Variants in CABIN1 observed in about 807,000 individuals in gnomAD.
CABIN1 encodes calcineurin binding protein 1.
In CABIN1, 133 loss-of-function variants were observed where a neutral mutation model predicts 227.7. The observed-to-expected ratio is 0.58, with a 90% CI of 0.51 to 0.67. The LOEUF is 0.67. Ranked by LOEUF, CABIN1 falls within the 30% of genes least tolerant of loss-of-function variation. The pLI, the probability that CABIN1 is intolerant of heterozygous loss-of-function variation, is 0.00. For missense variants in CABIN1, 2,408 were observed against 2,852.5 expected, an observed-to-expected ratio of 0.84 and a Z score of 3.55; for synonymous variants, 1,086 against 1,155.1, an observed-to-expected ratio of 0.94 and a Z score of 1.21.
chr22:24,011,594 A>AT (rs1397434537), intron 1 of CABIN1: 1 of 152,314 alleles, frequency 6.6e-6, no homozygotes, highest in East Asian at 1.9e-4. Context: ...GGTGCCTAGA[A>AT]TGGGTTCCGG....
rs140080587 is a variant in CABIN1 at position 24,172,687 on chromosome 22, G to A, written c.6040+692G>A. ...CCATTGGAATGGCAGCCTGCAGACA[G>A]CTAAGCCACAGATCCTTCCTTTGGG... On this transcript the variant is annotated intron_variant, in intron 34 of 36. Transcript: ENST00000263119. Among the ~76,000 whole-genome samples the A allele has an allele frequency of 2.7e-3, 405 of 152,350 alleles. 1 individual carries two copies. Among genetic ancestry groups the A allele is most frequent in the African/African-American group, 9.3e-3 (386 of 41,588 alleles).
intron 29 of CABIN1, among the ~76,000 whole-genome samples, chr22:24,135,806 GA>G (rs2044360612): frequency 6.6e-6 from 1 of 152,194 alleles, no homozygotes; most frequent in African/African-American, 2.4e-5. Context: ...TTCAGGTCTG[GA>G]GGGGTGTAAC....
At chr22:24,159,172 T>C (rs1254689173) in intron 29 of CABIN1, among the ~76,000 whole-genome samples, 3 of 152,174 alleles carry the variant, frequency 2.0e-5, no homozygotes, top group Non-Finnish European at 2.9e-5. Flanking sequence ...GAGGTATAGG[T>C]GTGAGCCAGA....
At chr22:24,126,560 C>T (rs934755300) in intron 28 of CABIN1, among the ~76,000 whole-genome samples, 2 of 151,826 alleles carry the variant, frequency 1.3e-5, no homozygotes, top group African/African-American at 4.8e-5. Context: ...CTAGAATCTG[C>T]TGGAAGCTGG....
Position 24,056,159 on chromosome 22 carries a change from C to A in CABIN1, c.1094-33C>A, listed in dbSNP as rs749258367. 3 of 1,600,144 alleles carry A rather than the reference C, an allele frequency of 1.9e-6. No individual in the cohort carries two copies. In the Admixed American group the frequency reaches 5.0e-5, roughly 27 times the overall value. On this transcript the variant is annotated intron_variant, in intron 9 of 36. Coordinates refer to ENST00000263119, the MANE Select transcript of CABIN1 (RefSeq NM_012295.4). ...GGTGCATTTTTTTCATCCCTGCCAC[C>A]GTGTAAGATTTTAATTTGCATTCTT...
intron 30 of CABIN1, among the ~76,000 whole-genome samples, chr22:24,165,165 T>C (rs1416012765): frequency 6.6e-6 from 1 of 152,222 alleles, no homozygotes; most frequent in East Asian, 1.9e-4. Context: ...CCTCTGGCTG[T>C]CTCACTCACC....
chr22:24,066,374 C>T (rs2039680213), intron 15 of CABIN1, among the ~76,000 whole-genome samples: 1 of 152,238 alleles, frequency 6.6e-6, no homozygotes, highest in Non-Finnish European at 1.5e-5. Context: ...CAGTATTGGG[C>T]TGGCCATGGG....
chr22:24,176,294 A>C lies in CABIN1; in HGVS notation c.6205+19A>C, dbSNP rs892685608. On this transcript the variant is annotated intron_variant, in intron 35 of 36. Transcript: ENST00000263119. Reference sequence around the variant, plus strand: ...AGCCAGGGTAAGGCGAGTTGGGAGCAGCCCAGCACCAGCCCCCAGGAGGCT... The same window carrying C: ...AGCCAGGGTAAGGCGAGTTGGGAGCCGCCCAGCACCAGCCCCCAGGAGGCT... 4 of 1,586,590 alleles carry C rather than the reference A, an allele frequency of 2.5e-6. No individual in the cohort carries two copies.
intron 25 of CABIN1, 112 bp downstream of exon 25, chr22:24,096,194 A>T: frequency 7.9e-7 from 1 of 1,265,190 alleles, no homozygotes; most frequent in Non-Finnish European, 1.1e-6. Flanking sequence ...ACAGTAAACT[A>T]GAACTCATGG....
At position 24,070,098 on chromosome 22, in the gene CABIN1, A is replaced by T. The variant is rs199897868; in HGVS notation, c.2233-702A>T. 2.0e-5 allele frequency among the ~76,000 whole-genome samples: 3 copies of T among 151,672 alleles called. No homozygotes were observed. In the East Asian group the frequency reaches 5.8e-4, roughly 29 times the overall value. Reference sequence around the variant, plus strand: ...AAAAAAAAGGAGCTTTGCGAAAAGCAGTGGTTTCCAAAGAGAAGCTTTTAA... The same window carrying T: ...AAAAAAAAGGAGCTTTGCGAAAAGCTGTGGTTTCCAAAGAGAAGCTTTTAA... On this transcript the variant is annotated intron_variant, in intron 16 of 36. Coordinates refer to ENST00000263119, the MANE Select transcript of CABIN1 (RefSeq NM_012295.4).
At chr22:24,051,223 C>G (rs368941717) in intron 8 of CABIN1, among the ~76,000 whole-genome samples, 1 of 152,190 alleles carries the variant, frequency 6.6e-6, no homozygotes, top group East Asian at 1.9e-4. Flanking sequence ...CCCCAGCCAC[C>G]TGCCACATTC....
chr22:24,112,432 G>A (rs1039885611), intron 26 of CABIN1, among the ~76,000 whole-genome samples: 3 of 152,126 alleles, frequency 2.0e-5, no homozygotes, highest in African/African-American at 7.2e-5. Flanking sequence ...GCTTAGTAGG[G>A]GAGCTGGTTT....
At chr22:24,144,759 A>G (rs1397080162) in intron 29 of CABIN1, among the ~76,000 whole-genome samples, 1 of 152,194 alleles carries the variant, frequency 6.6e-6, no homozygotes, top group Non-Finnish European at 1.5e-5. Context: ...GGCCATTTCC[A>G]GTCAGGGCTT....
intron 29 of CABIN1, among the ~76,000 whole-genome samples, chr22:24,147,391 C>T (rs2045212714): frequency 6.8e-6 from 1 of 147,056 alleles, no homozygotes; most frequent in Admixed American, 6.8e-5. Flanking sequence ...CTCCGTTCCT[C>T]CCTTCCTTCC....
At chr22:24,030,681 G>A (rs1214356651) in intron 1 of CABIN1, among the ~76,000 whole-genome samples, 1 of 152,190 alleles carries the variant, frequency 6.6e-6, no homozygotes, top group African/African-American at 2.4e-5. Context: ...ATGGTACTCA[G>A]GGAGCTGTTG....
Position 24,072,364 on chromosome 22 carries a change from G to A in CABIN1, c.2486G>A (p.Cys829Tyr), listed in dbSNP as rs992127433. The A allele has an allele frequency of 1.1e-5, 17 of 1,614,090 alleles. No homozygotes were observed. Among genetic ancestry groups the A allele is most frequent in the African/African-American group, 2.7e-5 (2 of 74,930 alleles). The change falls in exon 18 of 37, where the codon TGC becomes TAC. Residue 829 changes from cysteine to tyrosine, a missense_variant. Coordinates refer to ENST00000263119, the MANE Select transcript of CABIN1 (RefSeq NM_012295.4). Reference protein sequence around the residue: ...LTNNLIQVIDCSMAVQEEAKE... With the variant: ...LTNNLIQVIDYSMAVQEEAKE... ...ACCCCGCACTGTCAGGTCATTGACT[G>A]CAGCATGGCTGTGCAGGAGGAGGCC...
At chr22:24,143,004 C>T (rs2044867054) in intron 29 of CABIN1, among the ~76,000 whole-genome samples, 1 of 152,176 alleles carries the variant, frequency 6.6e-6, no homozygotes, top group Admixed American at 6.5e-5. Flanking sequence ...TGTGCCAGGC[C>T]CTGGGCCAGC....
At chr22:24,116,721 T>C (rs1415542836) in intron 27 of CABIN1, among the ~76,000 whole-genome samples, 1 of 152,202 alleles carries the variant, frequency 6.6e-6, no homozygotes, top group African/African-American at 2.4e-5. Flanking sequence ...GCCAGGCTTT[T>C]CCATAATGAG....
intron 24 of CABIN1, among the ~76,000 whole-genome samples, chr22:24,094,545 C>T (rs1174042462): frequency 1.3e-5 from 2 of 152,088 alleles, no homozygotes; most frequent in Non-Finnish European, 2.9e-5. Flanking sequence ...TGGCCGGGCG[C>T]GGTGGCTCAC....
Sources: allele counts gnomAD v4.1 joint callset (sites outside exome capture counted in the v4.1 genomes callset), GRCh38; gene constraint gnomAD v4.1.1; transcripts MANE v1.5; gene names NCBI Gene and HGNC (gene_info 2026-07-23, HGNC 2026-07-21).